Variants in PRSS23 observed in about 807,000 individuals in gnomAD.
PRSS23 encodes serine protease 23, also known as protease, serine 23.
A neutral mutation model predicts 34.7 loss-of-function variants in PRSS23; 25 were observed. That is an observed-to-expected ratio of 0.72 (90% CI 0.53 to 1.01). The LOEUF (loss-of-function observed/expected upper bound fraction) is 1.01, where lower values mean the gene tolerates loss of function less well. Ranked by LOEUF, PRSS23 falls within the 50% of genes least tolerant of loss-of-function variation. The pLI is 0.00. For synonymous variants in PRSS23, 176 were observed against 186.6 expected, an observed-to-expected ratio of 0.94 and a Z score of 0.46; for missense variants, 445 against 475.6, an observed-to-expected ratio of 0.94 and a Z score of 0.60.
At chr11:86,911,505 T>C (rs973750338) in intron 2 of PRSS23, 1 of 152,142 alleles carries the variant, frequency 6.6e-6, no homozygotes, top group Non-Finnish European at 1.5e-5. Flanking sequence ...CTCCAGTATC[T>C]AATATTTCCA....
intron 2 of PRSS23, among the ~76,000 whole-genome samples, chr11:86,883,291 C>T (rs1231882802): frequency 1.3e-5 from 2 of 152,206 alleles, no homozygotes; most frequent in African/African-American, 4.8e-5. Flanking sequence ...GGTACAAAAA[C>T]AGACACATAG....
At chr11:86,844,289 C>G (rs928826361) in intron 2 of PRSS23, among the ~76,000 whole-genome samples, 1 of 152,044 alleles carries the variant, frequency 6.6e-6, no homozygotes, top group African/African-American at 2.4e-5. Flanking sequence ...AGAGGGATAG[C>G]ATTAGGAGAA....
At chr11:86,884,034 C>T (rs1353245254) in intron 2 of PRSS23, among the ~76,000 whole-genome samples, 1 of 152,172 alleles carries the variant, frequency 6.6e-6, no homozygotes, top group African/African-American at 2.4e-5. Context: ...GACAGAAACC[C>T]TGGAGATATC....
intron 2 of PRSS23, among the ~76,000 whole-genome samples, chr11:86,864,459 G>A (rs1948636849): frequency 6.6e-6 from 1 of 152,212 alleles, no homozygotes; most frequent in Non-Finnish European, 1.5e-5. Context: ...TAAGAAGCAT[G>A]GCCAGTGGTG....
At position 86,808,438 on chromosome 11, in the gene PRSS23, G is replaced by C; in HGVS notation, c.795G>C (p.Val265=). The C allele has an allele frequency of 6.2e-7, 1 of 1,614,222 alleles. No individual in the cohort carries two copies. Among genetic ancestry groups the C allele is most frequent in the East Asian group, 2.2e-5 (1 of 44,886 alleles). ...AGAGAAAATTTATGAAGATTGGGGT[G>C]AGCCCTCCTGCTAAGCAGCTGCCAG... ...PHKRKFMKIG[V]SPPAKQLPGG... Residue 265 remains valine (V), a synonymous_variant, in exon 2 of 2, where the codon GTG becomes GTC. Coordinates refer to ENST00000280258, the MANE Select transcript of PRSS23 (RefSeq NM_007173.6).
intron 2 of PRSS23, among the ~76,000 whole-genome samples, chr11:86,850,703 G>A (rs1395333581): frequency 6.6e-6 from 1 of 152,112 alleles, no homozygotes; most frequent in African/African-American, 2.4e-5. Context: ...TGTGACCAGT[G>A]GATCTTATCT....
At chr11:86,839,450 T>C (rs573205784) in intron 2 of PRSS23, among the ~76,000 whole-genome samples, 133 of 152,280 alleles carry the variant, frequency 8.7e-4, no homozygotes, top group African/African-American at 3.1e-3. Flanking sequence ...TATGGGGCTA[T>C]GTGAAAAGAC....
chr11:86,849,100 A>T (rs1948510522), intron 2 of PRSS23, among the ~76,000 whole-genome samples: 1 of 152,036 alleles, frequency 6.6e-6, no homozygotes, highest in African/African-American at 2.4e-5. Context: ...TCATGCAATC[A>T]CCCTCACAGA....
chr11:86,860,155 T>C (rs1224134516), intron 2 of PRSS23, among the ~76,000 whole-genome samples: 16 of 151,548 alleles, frequency 1.1e-4, no homozygotes, highest in Non-Finnish European at 2.4e-4. Flanking sequence ...CTCCATGATA[T>C]TGTTCTTAAT....
intron 1 of PRSS23, among the ~76,000 whole-genome samples, chr11:86,807,256 AGAG>A (rs1019908352): frequency 6.6e-6 from 1 of 152,080 alleles, no homozygotes; most frequent in Non-Finnish European, 1.5e-5. Flanking sequence ...TGAAGGTAGA[AGAG>A]GAGGAGGTTT....
At chr11:86,886,238 T>A (rs535038984) in intron 2 of PRSS23, among the ~76,000 whole-genome samples, 62 of 152,264 alleles carry the variant, frequency 4.1e-4, no homozygotes, top group African/African-American at 1.5e-3. Context: ...TTTAGGAATA[T>A]AGCCCCACAG....
chr11:86,877,492 T>C (rs1431599542), intron 2 of PRSS23, among the ~76,000 whole-genome samples: 1 of 152,208 alleles, frequency 6.6e-6, no homozygotes, highest in Non-Finnish European at 1.5e-5. Context: ...TTTTTCTATT[T>C]TGAATTATTA....
At chr11:86,812,409 C>G (rs1948185068), downstream of PRSS23, among the ~76,000 whole-genome samples, 1 of 152,194 alleles carries the variant, frequency 6.6e-6, no homozygotes, top group Admixed American at 6.5e-5. Context: ...AGACATGAGG[C>G]CATTTCTGGG....
At chr11:86,847,573 G>A (rs552536869) in intron 2 of PRSS23, among the ~76,000 whole-genome samples, 3 of 152,142 alleles carry the variant, frequency 2.0e-5, no homozygotes, top group East Asian at 1.9e-4. Context: ...AACCAGGGGT[G>A]TGGGCATCCC....
At chr11:86,933,307 T>C (rs2135018071) in intron 2 of PRSS23, 1 of 152,330 alleles carries the variant, frequency 6.6e-6, no homozygotes, top group South Asian at 2.1e-4. Context: ...GAGTCTGTTT[T>C]CATTGCTGAC....
chr11:86,819,464 G>C (rs1948237942), intron 1 of PRSS23, among the ~76,000 whole-genome samples: 1 of 152,136 alleles, frequency 6.6e-6, no homozygotes, highest in Non-Finnish European at 1.5e-5. Context: ...TAGCAAGTTT[G>C]TTTAAAAATT....
At chr11:86,951,799 C>T (rs80358291) in exon 3 of PRSS23, 2 of 1,614,082 alleles carry the variant, frequency 1.2e-6, no homozygotes, top group Non-Finnish European at 1.7e-6. Context: ...GAATAACCCA[C>T]CAAATGGAGC....
At chr11:86,851,733 C>G (rs1418731069) in intron 2 of PRSS23, among the ~76,000 whole-genome samples, 1 of 152,212 alleles carries the variant, frequency 6.6e-6, no homozygotes, top group Admixed American at 6.5e-5. Context: ...GACCACAGAG[C>G]TAAGAAGGTG....
At chr11:86,892,448 A>G (rs10898549) in intron 2 of PRSS23, 28,808 of 152,198 alleles carry the variant, frequency 0.19, 2,907 homozygotes, top group Non-Finnish European at 0.22. Context: ...GAATGACAAT[A>G]TTAGGAGATG....
Sources: gnomAD v4.1 joint callset for allele counts (sites outside exome capture counted in the v4.1 genomes callset) on GRCh38, gnomAD v4.1.1 for gene constraint, MANE v1.5 for transcripts, NCBI Gene and HGNC (gene_info 2026-07-23, HGNC 2026-07-21) for gene names.